The following SRPRA variants were observed in gnomAD, a reference collection of about 807,000 sequenced individuals.
SRPRA encodes signal recognition particle receptor subunit alpha.
Under a neutral mutation model 61.1 loss-of-function variants are expected in SRPRA, and 30 were observed. The observed-to-expected ratio is 0.49, with a 90% CI of 0.37 to 0.67. SRPRA has a LOEUF of 0.67. Ranked by LOEUF, SRPRA falls within the 30% of genes least tolerant of loss-of-function variation. The pLI, the probability that SRPRA is intolerant of heterozygous loss-of-function variation, is 0.00. For synonymous variants in SRPRA, 324 were observed against 299.7 expected (o/e 1.08, Z -0.84); for missense variants, 759 against 828.4 (o/e 0.92, Z 1.03).
the SRPRA span, among the ~76,000 whole-genome samples, chr11:126,238,483 A>T: frequency 1.3e-5 from 2 of 152,170 alleles, no homozygotes; most frequent in African/African-American, 4.8e-5. Flanking sequence ...CTCATTTCCT[A>T]ACTGGATGGG....
chr11:126,261,912 A>G (rs1950709054), downstream of SRPRA, among the ~76,000 whole-genome samples: 2 of 152,312 alleles, frequency 1.3e-5, no homozygotes, highest in South Asian at 4.1e-4. Flanking sequence ...GCTTGAGCCC[A>G]GTGAGCTGAT....
Position 126,263,549 on chromosome 11 carries a change from G to A in SRPRA, c.*367C>T, listed in dbSNP as rs909886802. On this transcript the variant is annotated 3_prime_UTR_variant, in exon 14 of 14. Transcript: ENST00000332118. ...AGAGTCTCTTAACCTAATGCAGCTG[G>A]GACTCATTAGGCTCAGACGGCTCTT... 5 of 192,694 alleles carry A rather than the reference G, an allele frequency of 2.6e-5. No individual in the cohort carries two copies. Among genetic ancestry groups the A allele is most frequent in the Admixed American group, 1.6e-4 (3 of 18,510 alleles). The allele number at this position is 192,694 out of a possible 1,614,324, so 11.9% of individuals were successfully genotyped here. A position where few individuals can be genotyped will look rare whatever the true frequency, so the allele number is the denominator to read the frequency against.
In SRPRA at chr11:126,267,501, CATCAA is replaced by C; in HGVS notation, c.365+43_365+47del. ...ACCTTTGAACCACCTTCAGAGAGGTCATCAAATCATGGAAATAAATTGATTTTAGA... is the reference window on the plus strand; with the variant it reads ...ACCTTTGAACCACCTTCAGAGAGGTCATCATGGAAATAAATTGATTTTAGA... On this transcript the variant is annotated intron_variant, in intron 3 of 13. Coordinates refer to ENST00000332118, the MANE Select transcript of SRPRA (RefSeq NM_003139.4). This position sits in a 1 kb window ranked among gnomAD's most constrained non-coding sequence, Gnocchi z 4.2. The C allele has an allele frequency of 6.2e-7, 1 of 1,610,232 alleles. No individual in the cohort carries two copies. The highest frequency in any genetic ancestry group is 8.5e-7 in the Non-Finnish European group (1 of 1,177,676).
Position 126,264,510 on chromosome 11 carries a change from C to A in SRPRA, c.1555G>T (p.Val519Leu). The stretch of plus-strand genomic sequence containing the variant: ...TCTTGCATGCGGCCTGCCGTGTCCA[C>A]CAGCACCACGTCAAAGCCTTGGTTA... ...ARNQGFDVVL[V>L]DTAGRMQDNA... The change falls in exon 12 of 14, where the codon GTG becomes TTG. Residue 519 changes from valine (V) to leucine (L), a missense_variant. This residue lies in a region of SRPRA where 284 missense variants were observed against 365.9 expected (regional missense o/e 0.78). Coordinates refer to ENST00000332118, the MANE Select transcript of SRPRA (RefSeq NM_003139.4). This position sits in a 1 kb window ranked among gnomAD's most constrained non-coding sequence, Gnocchi z 5.0. The A allele has an allele frequency of 6.2e-7, 1 of 1,613,534 alleles. No individual in the cohort carries two copies. Among genetic ancestry groups the A allele is most frequent in the Non-Finnish European group, 8.5e-7 (1 of 1,180,040 alleles).
At chr11:126,251,261 AATGAG>A in the SRPRA span, among the ~76,000 whole-genome samples, 2 of 152,216 alleles carry the variant, frequency 1.3e-5, no homozygotes, top group Non-Finnish European at 1.5e-5. Flanking sequence ...TGTGTCAGCT[AATGAG>A]ATGAGTTCTT....
the SRPRA span, among the ~76,000 whole-genome samples, chr11:126,250,343 G>A: frequency 6.6e-6 from 1 of 152,008 alleles, no homozygotes; most frequent in African/African-American, 2.4e-5. The surrounding 1 kb of genome is among the most constrained non-coding windows in gnomAD (Gnocchi z 5.1). Context: ...CGCCCGCCTC[G>A]GTCTCCCAAA....
Position 126,268,047 on chromosome 11 carries a change from T to A in SRPRA, c.157A>T (p.Thr53Ser), listed in dbSNP as rs1950855399. The change falls in exon 2 of 14, where the codon ACA (threonine) becomes TCA (serine). Residue 53 changes from threonine to serine, a missense_variant. Physicochemically the swap from Thr to Ser is moderately conservative, Grantham distance 58. Around this residue, in one of 2 missense-constraint regions of SRPRA, gnomAD observed 475 missense variants for 462.5 expected, o/e 1.03. Coordinates refer to ENST00000332118, the MANE Select transcript of SRPRA (RefSeq NM_003139.4). ...TGGTTGTCCAGTTTATACTTGAGTGTGAGTGCCTCATGGGTGAAGGAGTTG... is the reference window on the plus strand; with the variant it reads ...TGGTTGTCCAGTTTATACTTGAGTGAGAGTGCCTCATGGGTGAAGGAGTTG... ...GNNSFTHEAL[T>S]LKYKLDNQFE... is the part of the protein sequence containing the mutation. 1 of 1,613,976 alleles carries A rather than the reference T, an allele frequency of 6.2e-7. No individual in the cohort carries two copies. Among genetic ancestry groups the A allele is most frequent in the African/African-American group, 1.3e-5 (1 of 74,940 alleles).
downstream of SRPRA, among the ~76,000 whole-genome samples, chr11:126,258,818 C>G (rs1414110825): frequency 6.6e-6 from 1 of 152,238 alleles, no homozygotes; most frequent in African/African-American, 2.4e-5. Flanking sequence ...ATAACTGTTT[C>G]TGTTGCACTA....
chr11:126,264,645 G>T lies in SRPRA; in HGVS notation c.1526-106C>A. On this transcript the variant is annotated intron_variant, in intron 11 of 13. Coordinates refer to ENST00000332118, the MANE Select transcript of SRPRA (RefSeq NM_003139.4). The surrounding 1 kb of genome is among the most constrained non-coding windows in gnomAD (Gnocchi z 5.0). ...TTTGACTACCTGTTCACTGTCTTGG[G>T]CTCTGGATTTGGTTCCAAGGTAATG... is the stretch of plus-strand genomic sequence containing the variant. The T allele has an allele frequency of 7.3e-7, 1 of 1,361,428 alleles. No homozygotes were observed. Among genetic ancestry groups the T allele is most frequent in the Non-Finnish European group, 9.9e-7 (1 of 1,006,500 alleles). The allele number at this position is 1,361,428 out of a possible 1,614,324, so 84.3% of individuals were successfully genotyped here.
At chr11:126,249,073 G>T in the SRPRA span, among the ~76,000 whole-genome samples, 1 of 152,154 alleles carries the variant, frequency 6.6e-6, no homozygotes. Context: ...TAAGTAAGCC[G>T]TATGTTAAGA....
the SRPRA span, among the ~76,000 whole-genome samples, chr11:126,240,263 C>T: frequency 2.7e-5 from 4 of 150,272 alleles, no homozygotes; most frequent in Non-Finnish European, 5.9e-5. Context: ...TTCTATTGGC[C>T]ACTTTTTTTT....
Position 126,267,011 on chromosome 11 carries a change from A to G in SRPRA, c.527-89T>C, listed in dbSNP as rs1474144976. On this transcript the variant is annotated intron_variant, in intron 4 of 13. Transcript: ENST00000332118. This position sits in a 1 kb window ranked among gnomAD's most constrained non-coding sequence, Gnocchi z 4.2. ...AAAGTCTTCCAAATTGTTCAAAGGA[A>G]ATTTGGACCAAACATCTTGGAGTTC... 6.5e-7 allele frequency: 1 copy of G among 1,541,702 alleles called. No homozygotes were observed. The highest frequency in any genetic ancestry group is 8.7e-7 in the Non-Finnish European group (1 of 1,146,882).
chr11:126,261,921 A>G (rs1950709313), downstream of SRPRA, among the ~76,000 whole-genome samples: 1 of 152,188 alleles, frequency 6.6e-6, no homozygotes, highest in Non-Finnish European at 1.5e-5. Context: ...CAGTGAGCTG[A>G]TTGTGCCACT....
In SRPRA at chr11:126,268,024, G is replaced by T; in HGVS notation, c.180C>A (p.Asn60Lys). 2.5e-6 allele frequency: 4 copies of T among 1,614,136 alleles called. No individual in the cohort carries two copies. The highest frequency in any genetic ancestry group is 3.4e-6 in the Non-Finnish European group (4 of 1,180,020). The change falls in exon 2 of 14, where the codon AAC becomes AAA. Residue 60 changes from asparagine (N) to lysine (K), a missense_variant. Asn to Lys is a moderately conservative substitution (Grantham distance 94). Coordinates refer to ENST00000332118, the MANE Select transcript of SRPRA (RefSeq NM_003139.4). The part of the protein sequence containing the change: ...EALTLKYKLD[N>K]QFELVFVVGF... ...TTACCACAAACACCAGCTCAAACTG[G>T]TTGTCCAGTTTATACTTGAGTGTGA... is the stretch of plus-strand genomic sequence containing the variant.
In SRPRA at chr11:126,265,816, G is replaced by A. The variant is rs75918778; in HGVS notation, c.1059C>T (p.Asn353=). ...DKMRDHLIAK[N]VAADIAVQLC... The stretch of plus-strand genomic sequence containing the variant: ...GCTGGACGGCAATGTCTGCAGCCAC[G>A]TTCTTAGCTGAGGAGAGGGGGACAG... Residue 353 remains asparagine (N), a synonymous_variant, in exon 9 of 14, where the codon AAC becomes AAT. Coordinates refer to ENST00000332118, the MANE Select transcript of SRPRA (RefSeq NM_003139.4). This position sits in a 1 kb window ranked among gnomAD's most constrained non-coding sequence, Gnocchi z 6.3. The A allele has an allele frequency of 1.5e-3, 2,417 of 1,614,230 alleles. 27 individuals carry two copies. In the African/African-American group the frequency reaches 0.027, roughly 18 times the overall value.
At chr11:126,244,614 G>A in the SRPRA span, among the ~76,000 whole-genome samples, 2 of 152,212 alleles carry the variant, frequency 1.3e-5, no homozygotes, top group African/African-American at 2.4e-5. This position sits in a 1 kb window ranked among gnomAD's most constrained non-coding sequence, Gnocchi z 4.5. Context: ...GACCAGCCTG[G>A]CCAACATGGT....
downstream of SRPRA, chr11:126,260,443 A>G (rs1447589764): frequency 6.7e-6 from 1 of 149,782 alleles, no homozygotes; most frequent in African/African-American, 2.5e-5. Flanking sequence ...TGGATTGTAC[A>G]TTTTCCCACA....
chr11:126,237,872 A>C, the SRPRA span, among the ~76,000 whole-genome samples: 3 of 150,690 alleles, frequency 2.0e-5, no homozygotes, highest in Admixed American at 2.0e-4. Flanking sequence ...AAAAAAAAAA[A>C]AGAAAAGAAA....
chr11:126,243,523 C>T, the SRPRA span, among the ~76,000 whole-genome samples: 1 of 151,270 alleles, frequency 6.6e-6, no homozygotes, highest in Non-Finnish European at 1.5e-5. Context: ...AACATGGACA[C>T]AAAAATCCTC....
Sources: allele counts gnomAD v4.1 joint callset (sites outside exome capture counted in the v4.1 genomes callset), GRCh38; gene constraint gnomAD v4.1.1; regional missense constraint gnomAD v4.1.1; non-coding constraint Gnocchi (gnomAD v3.1); transcripts MANE v1.5; gene names NCBI Gene and HGNC (gene_info 2026-07-23, HGNC 2026-07-21).